Variants in PDE1A observed in about 807,000 individuals in gnomAD.
PDE1A encodes dual specificity calcium/calmodulin-dependent 3',5'-cyclic nucleotide phosphodiesterase 1A.
PDE1A carries 35 observed loss-of-function variants against 61.7 expected under a neutral mutation model. The observed-to-expected ratio is 0.57, with a 90% CI of 0.43 to 0.75. The LOEUF is 0.75. Among genes scored for constraint, PDE1A ranks in the 30% least tolerant of loss-of-function variants. The pLI, the probability that PDE1A is intolerant of heterozygous loss-of-function variation, is 0.00. For missense variants in PDE1A, 597 were observed against 630.6 expected (o/e 0.95, Z 0.57); for synonymous variants, 232 against 213.2 (o/e 1.09, Z -0.77).
At chr2:182,334,985 GACAA>G (rs1442457262) in intron 1 of PDE1A, among the ~76,000 whole-genome samples, 15 of 152,170 alleles carry the variant, frequency 9.9e-5, no homozygotes, top group African/African-American at 2.6e-4. Flanking sequence ...ACAAATAATA[GACAA>G]ACAGAGAGCC....
intron 1 of PDE1A, among the ~76,000 whole-genome samples, chr2:182,283,838 C>CT (rs1464689596): frequency 1.3e-5 from 2 of 152,010 alleles, no homozygotes; most frequent in Non-Finnish European, 2.9e-5. Flanking sequence ...AGCTAGGACT[C>CT]TATGAAAAGC....
intron 2 of PDE1A, among the ~76,000 whole-genome samples, chr2:182,498,040 C>A (rs1385217721): frequency 1.0e-4 from 10 of 98,596 alleles, no homozygotes; most frequent in East Asian, 2.7e-4. Context: ...AGCGAGATTG[C>A]GTCTCAAAAA....
chr2:182,354,070 C>T (rs562359550), intron 1 of PDE1A, among the ~76,000 whole-genome samples: 29 of 152,112 alleles, frequency 1.9e-4, no homozygotes, highest in Admixed American at 1.2e-3. Context: ...AAAGTATTCA[C>T]GTAAAGATGA....
chr2:182,172,151 A>G (rs932146047), intron 13 of PDE1A, among the ~76,000 whole-genome samples: 3 of 152,016 alleles, frequency 2.0e-5, no homozygotes, highest in Non-Finnish European at 2.9e-5. Flanking sequence ...ACAAAAACAT[A>G]CTACAAAATA....
At chr2:182,640,254 C>G in the PDE1A span, among the ~76,000 whole-genome samples, 1 of 152,088 alleles carries the variant, frequency 6.6e-6, no homozygotes, top group Non-Finnish European at 1.5e-5. Context: ...TTTACGCAAG[C>G]GAAGTCAGGA....
At chr2:182,384,626 G>A (rs1427539028) in intron 1 of PDE1A, among the ~76,000 whole-genome samples, 1 of 151,386 alleles carries the variant, frequency 6.6e-6, no homozygotes, top group African/African-American at 2.4e-5. Flanking sequence ...GTCAGAAGAG[G>A]GAAAAAAATA....
intron 1 of PDE1A, among the ~76,000 whole-genome samples, chr2:182,366,184 T>C (rs190290776): frequency 1.5e-4 from 23 of 152,206 alleles, no homozygotes; most frequent in Admixed American, 4.6e-4. Context: ...TAGTGCTATT[T>C]TGACTTTTTT....
At chr2:182,210,917 T>C (rs963601897) in intron 7 of PDE1A, among the ~76,000 whole-genome samples, 2 of 151,860 alleles carry the variant, frequency 1.3e-5, no homozygotes, top group Non-Finnish European at 2.9e-5. Flanking sequence ...AAAAAAGAAA[T>C]TTATTTATCA....
chr2:182,594,915 C>T, the PDE1A span, among the ~76,000 whole-genome samples: 1 of 152,110 alleles, frequency 6.6e-6, no homozygotes, highest in East Asian at 1.9e-4. Context: ...TGCAGGGATT[C>T]AATGGAATGG....
chr2:182,449,893 C>G (rs1019279210), intron 2 of PDE1A, among the ~76,000 whole-genome samples: 1 of 151,974 alleles, frequency 6.6e-6, no homozygotes, highest in Non-Finnish European at 1.5e-5. Flanking sequence ...TTTGACCCCT[C>G]TATAGTATAT....
the PDE1A span, among the ~76,000 whole-genome samples, chr2:182,639,857 T>A: frequency 6.7e-6 from 1 of 149,128 alleles, no homozygotes; most frequent in Non-Finnish European, 1.5e-5. Flanking sequence ...AAACATATAA[T>A]TTATATAAAT....
chr2:182,172,498 G>T (rs1692319345), intron 13 of PDE1A, among the ~76,000 whole-genome samples: 1 of 152,004 alleles, frequency 6.6e-6, no homozygotes, highest in African/African-American at 2.4e-5. Context: ...ATAGAGAAAT[G>T]ATGCACACAC....
chr2:182,499,918 T>A (rs1574808573), intron 2 of PDE1A, among the ~76,000 whole-genome samples: 1 of 152,122 alleles, frequency 6.6e-6, no homozygotes, highest in African/African-American at 2.4e-5. Context: ...CAAAGGGCAG[T>A]CCCAGGGGAT....
At chr2:182,369,557 G>T (rs1389639225) in intron 1 of PDE1A, among the ~76,000 whole-genome samples, 1 of 152,026 alleles carries the variant, frequency 6.6e-6, no homozygotes, top group Non-Finnish European at 1.5e-5. Flanking sequence ...CAGGTCTCTG[G>T]GGTGTCATAT....
At chr2:182,177,933 C>A (rs1245898240) in intron 13 of PDE1A, among the ~76,000 whole-genome samples, 17 of 152,026 alleles carry the variant, frequency 1.1e-4, no homozygotes, top group Non-Finnish European at 1.5e-5. Flanking sequence ...AGTGAGGAAA[C>A]ATACTTGATA....
At chr2:182,568,406 C>T in the PDE1A span, among the ~76,000 whole-genome samples, 46 of 152,248 alleles carry the variant, frequency 3.0e-4, no homozygotes, top group African/African-American at 7.2e-4. Flanking sequence ...AGACTGGGCG[C>T]GGTGGCTCAC....
intron 1 of PDE1A, among the ~76,000 whole-genome samples, chr2:182,298,066 C>A (rs560181699): frequency 7.9e-5 from 12 of 152,284 alleles, no homozygotes; most frequent in African/African-American, 2.6e-4. Flanking sequence ...AGACATATGG[C>A]AACAAGAATT....
chr2:182,431,856 G>C (rs1473611886), upstream of PDE1A, among the ~76,000 whole-genome samples: 1 of 152,024 alleles, frequency 6.6e-6, no homozygotes. Flanking sequence ...TACCACTCCA[G>C]AGAGTTTCTA....
the PDE1A span, among the ~76,000 whole-genome samples, chr2:182,638,966 C>T: frequency 2.8e-3 from 434 of 152,304 alleles, 2 homozygotes; most frequent in African/African-American, 9.8e-3. Context: ...ACTCTGAAGA[C>T]ACCTCCTTTC....
Sources: allele counts gnomAD v4.1 joint callset (sites outside exome capture counted in the v4.1 genomes callset), GRCh38; gene constraint gnomAD v4.1.1; transcripts MANE v1.5; gene names NCBI Gene and HGNC (gene_info 2026-07-23, HGNC 2026-07-21).